The following ADCY7 variants were observed in gnomAD, a reference collection of about 807,000 sequenced individuals.
The protein encoded by ADCY7 is adenylate cyclase 7.
In ADCY7, 72 loss-of-function variants were observed where a neutral mutation model predicts 120.6. That is an observed-to-expected ratio of 0.60 (90% CI 0.49 to 0.73). The LOEUF (loss-of-function observed/expected upper bound fraction) is 0.73. Ranked by LOEUF, ADCY7 falls within the 30% of genes least tolerant of loss-of-function variation. The probability of loss-of-function intolerance (pLI) is 0.00; values close to 1 mark genes in which losing one functional copy is unlikely to be tolerated. For synonymous variants in ADCY7, 661 were observed against 628.0 expected, an observed-to-expected ratio of 1.05 and a Z score of -0.78; for missense variants, 1,227 against 1,486.0, an observed-to-expected ratio of 0.83 and a Z score of 2.87.
At chr16:50,253,835 G>A (rs990944316) in intron 1 of ADCY7, among the ~76,000 whole-genome samples, 1 of 152,218 alleles carries the variant, frequency 6.6e-6, no homozygotes, top group Admixed American at 6.5e-5. Flanking sequence ...ACATGCTGGT[G>A]GGGACTGGAG....
At chr16:50,295,536 AAGGGAAC>A (rs2035299312) in intron 7 of ADCY7, among the ~76,000 whole-genome samples, 1 of 151,752 alleles carries the variant, frequency 6.6e-6, no homozygotes, top group African/African-American at 2.4e-5. Flanking sequence ...CTGAGGAGGA[AAGGGAAC>A]AGTGTTCTTA....
At chr16:50,277,668 G>GTTTT (rs755335071) in intron 1 of ADCY7, among the ~76,000 whole-genome samples, 6 of 114,976 alleles carry the variant, frequency 5.2e-5, no homozygotes, top group African/African-American at 1.9e-4. Context: ...ACCATGGTAG[G>GTTTT]TTTTTTTTTT....
rs370417008 is a variant in ADCY7 at position 50,300,817 on chromosome 16, C to T, written c.1179C>T (p.Asp393=). ...GVIGLRKWQY[D]VWSHDVSLAN... is the part of the protein sequence containing the mutation. Reference sequence around the variant, plus strand: ...TCGGGCTGCGCAAGTGGCAGTATGACGTGTGGTCCCACGACGTGTCCCTGG... The same window carrying T: ...TCGGGCTGCGCAAGTGGCAGTATGATGTGTGGTCCCACGACGTGTCCCTGG... The change falls in exon 9 of 26, where the codon GAC becomes GAT. Residue 393 remains aspartate, a synonymous_variant. Transcript: ENST00000673801. 3.0e-5 allele frequency: 46 copies of T among 1,556,862 alleles called. No homozygotes were observed. In the South Asian group the frequency reaches 3.6e-4, roughly 12 times the overall value.
Position 50,310,883 on chromosome 16 carries a change from G to T in ADCY7, c.2354+3G>T. On this transcript the variant is annotated splice_donor_region_variant and intron_variant, in intron 19 of 25. Transcript: ENST00000673801. ...ACCAAGCCCAACGGCACCACCAGGTGGGGTCCCGCCCGTCCCCGTCCCCAT... is the reference window on the plus strand; with the variant it reads ...ACCAAGCCCAACGGCACCACCAGGTTGGGTCCCGCCCGTCCCCGTCCCCAT... 6.3e-7 allele frequency: 1 copy of T among 1,593,078 alleles called. No homozygotes were observed.
In ADCY7 at chr16:50,308,748, G is replaced by T; in HGVS notation, c.2017G>T (p.Val673Phe). The change falls in exon 17 of 26, where the codon GTC becomes TTC. Residue 673 changes from valine (V) to phenylalanine (F), a missense_variant. Coordinates refer to ENST00000673801, the MANE Select transcript of ADCY7 (RefSeq NM_001114.5). ...GCCCCTGCTGAGGCTGACCCTGGCC[G>T]TCCTGACCATCGGCAGCCTGCTCAC... Reference protein sequence around the residue: ...TQPLLRLTLAVLTIGSLLTVA... With the variant: ...TQPLLRLTLAFLTIGSLLTVA... 6.2e-7 allele frequency: 1 copy of T among 1,613,054 alleles called. No individual in the cohort carries two copies.
At chr16:50,309,112 C>T in intron 17 of ADCY7, 1 of 336,730 alleles carries the variant, frequency 3.0e-6, no homozygotes, top group East Asian at 5.2e-5. Context: ...CCTTGCTCCT[C>T]TGCTGGGGCT....
At chr16:50,263,980 A>G (rs569051198), upstream of ADCY7, among the ~76,000 whole-genome samples, 17 of 152,264 alleles carry the variant, frequency 1.1e-4, no homozygotes, top group Middle Eastern at 3.4e-3. Flanking sequence ...CCCATTTAAA[A>G]ATGGACGGGT....
intron 1 of ADCY7, among the ~76,000 whole-genome samples, chr16:50,284,504 G>A (rs1161960528): frequency 1.3e-5 from 2 of 152,240 alleles, no homozygotes; most frequent in African/African-American, 2.4e-5. Flanking sequence ...TTTCATGCAC[G>A]TGTCTGGCCG....
intron 17 of ADCY7, 126 bp downstream of exon 17, chr16:50,308,918 G>T (rs529024175): frequency 4.9e-5 from 63 of 1,272,878 alleles, no homozygotes; most frequent in Non-Finnish European, 6.1e-5. Flanking sequence ...AGGTGGATGT[G>T]GGGGGTTCCC....
intron 1 of ADCY7, among the ~76,000 whole-genome samples, chr16:50,258,277 T>C (rs1459974286): frequency 6.6e-6 from 1 of 152,184 alleles, no homozygotes; most frequent in Non-Finnish European, 1.5e-5. Context: ...GAGGTCTGCA[T>C]GATGAGACTG....
chr16:50,307,876 A>C (rs1012894544), intron 15 of ADCY7, among the ~76,000 whole-genome samples: 9 of 151,792 alleles, frequency 5.9e-5, no homozygotes, highest in African/African-American at 2.2e-4. Context: ...GGCGCCTGTA[A>C]TCCCAGCTAC....
chr16:50,285,523 G>A (rs972041891), intron 1 of ADCY7, among the ~76,000 whole-genome samples: 1 of 152,218 alleles, frequency 6.6e-6, no homozygotes, highest in African/African-American at 2.4e-5. Flanking sequence ...GGCTCACCTG[G>A]CCATCTTCCC....
At chr16:50,302,968 G>A (rs1221323657) in intron 10 of ADCY7, among the ~76,000 whole-genome samples, 1 of 152,224 alleles carries the variant, frequency 6.6e-6, no homozygotes, top group African/African-American at 2.4e-5. Context: ...CTGTGGACTG[G>A]ATGGTGGCTG....
chr16:50,303,477 G>T (rs1196830747), intron 10 of ADCY7, among the ~76,000 whole-genome samples: 1 of 152,192 alleles, frequency 6.6e-6, no homozygotes, highest in African/African-American at 2.4e-5. Flanking sequence ...GCTAAGGAGA[G>T]ACTCAGCAGA....
At chr16:50,310,547 G>T (rs750372381) in intron 18 of ADCY7, 140 bp from the exon 19 acceptor site, 20 of 1,549,652 alleles carry the variant, frequency 1.3e-5, no homozygotes, top group African/African-American at 8.2e-5. Context: ...AGGTCTCATT[G>T]TTTTTTGTTG....
chr16:50,272,821 T>C (rs1184170764), intron 1 of ADCY7, among the ~76,000 whole-genome samples: 1 of 152,108 alleles, frequency 6.6e-6, no homozygotes, highest in African/African-American at 2.4e-5. Flanking sequence ...CTGTCTCCGG[T>C]ACCCCCTCTG....
rs1430170243 is a variant in ADCY7 at position 50,300,826 on chromosome 16, C to T, written c.1188C>T (p.Ser396=). 1 of 1,557,752 alleles carries T rather than the reference C, an allele frequency of 6.4e-7. No individual in the cohort carries two copies. ...GCAAGTGGCAGTATGACGTGTGGTCCCACGACGTGTCCCTGGCCAACCGGA... is the reference window on the plus strand; with the variant it reads ...GCAAGTGGCAGTATGACGTGTGGTCTCACGACGTGTCCCTGGCCAACCGGA... ...GLRKWQYDVW[S]HDVSLANRME... is the part of the protein sequence containing the mutation. The change falls in exon 9 of 26, where the codon TCC becomes TCT. Residue 396 remains serine (S), a synonymous_variant. Coordinates refer to ENST00000673801, the MANE Select transcript of ADCY7 (RefSeq NM_001114.5).
At chr16:50,278,154 C>A (rs1284394740) in intron 1 of ADCY7, among the ~76,000 whole-genome samples, 1 of 152,012 alleles carries the variant, frequency 6.6e-6, no homozygotes, top group African/African-American at 2.4e-5. Context: ...ATTCTCGTGC[C>A]CCAGCCTCCC....
chr16:50,264,938 G>T (rs2033157342), upstream of ADCY7, among the ~76,000 whole-genome samples: 1 of 149,676 alleles, frequency 6.7e-6, no homozygotes, highest in Non-Finnish European at 1.5e-5. Flanking sequence ...CCAGGTTCAA[G>T]TGATTCTCCT....
Sources: allele counts gnomAD v4.1 joint callset (sites outside exome capture counted in the v4.1 genomes callset), GRCh38; gene constraint gnomAD v4.1.1; transcripts MANE v1.5; gene names NCBI Gene and HGNC (gene_info 2026-07-23, HGNC 2026-07-21).